Variants in NRXN3 observed in about 807,000 individuals in gnomAD.
NRXN3 encodes the protein neurexin III.
NRXN3 carries 32 observed loss-of-function variants against 137.6 expected under a neutral mutation model. The observed-to-expected ratio is 0.23, with a 90% CI of 0.18 to 0.31. The LOEUF (loss-of-function observed/expected upper bound fraction) is 0.31, where lower values mean the gene tolerates loss of function less well. Ranked by LOEUF, NRXN3 falls within the 10% of genes least tolerant of loss-of-function variation. The pLI, the probability that NRXN3 is intolerant of heterozygous loss-of-function variation, is 1.00. For synonymous variants in NRXN3, 798 were observed against 784.5 expected, an observed-to-expected ratio of 1.02 and a Z score of -0.29; for missense variants, 1,574 against 2,062.5, an observed-to-expected ratio of 0.76 and a Z score of 4.59.
At chr14:79,843,620 T>A (rs918309369) in intron 20 of NRXN3, among the ~76,000 whole-genome samples, 6 of 152,192 alleles carry the variant, frequency 3.9e-5, no homozygotes, top group African/African-American at 1.4e-4. Context: ...CCTCTATCAA[T>A]TAAGTTTATG....
intron 4 of NRXN3, among the ~76,000 whole-genome samples, chr14:78,590,285 C>A (rs2097105115): frequency 6.6e-6 from 1 of 152,144 alleles, no homozygotes; most frequent in Admixed American, 6.5e-5. Context: ...GGTCCCAGTC[C>A]ACAAAGAGAT....
intron 19 of NRXN3, among the ~76,000 whole-genome samples, chr14:79,707,701 T>C (rs1176224532): frequency 6.6e-6 from 1 of 152,186 alleles, no homozygotes; most frequent in Non-Finnish European, 1.5e-5. Context: ...GTCTCTGATA[T>C]GGCAATTAGC....
chr14:79,695,637 G>GAAAAA (rs10585470), intron 18 of NRXN3, among the ~76,000 whole-genome samples: 1 of 88,166 alleles, frequency 1.1e-5, no homozygotes, highest in Non-Finnish European at 2.7e-5. Context: ...AGGGCTTCCA[G>GAAAAA]AAAAAAAAAA....
chr14:78,655,600 G>A (rs2097778366), intron 6 of NRXN3, among the ~76,000 whole-genome samples: 1 of 151,942 alleles, frequency 6.6e-6, no homozygotes, highest in Admixed American at 6.6e-5. Context: ...GAGAACAGAG[G>A]TCCTATTTGC....
intron 15 of NRXN3, among the ~76,000 whole-genome samples, chr14:79,240,674 C>G (rs1163433520): frequency 6.6e-6 from 1 of 152,042 alleles, no homozygotes; most frequent in Non-Finnish European, 1.5e-5. Context: ...ATGTGCTTGT[C>G]TTTGTGCTCC....
chr14:78,374,302 GTTGT>G (rs1480092230), intron 4 of NRXN3, among the ~76,000 whole-genome samples: 19 of 152,256 alleles, frequency 1.2e-4, no homozygotes, highest in Admixed American at 2.6e-4. Context: ...AAGTTTTATG[GTTGT>G]TTATTACTTA....
intron 9 of NRXN3, among the ~76,000 whole-genome samples, chr14:78,808,523 T>G (rs2098891042): frequency 6.6e-6 from 1 of 152,116 alleles, no homozygotes; most frequent in Non-Finnish European, 1.5e-5. Flanking sequence ...AGTCAGTAGC[T>G]GAAGCCATCA....
At chr14:79,060,773 T>C (rs2099673252) in intron 15 of NRXN3, among the ~76,000 whole-genome samples, 1 of 151,534 alleles carries the variant, frequency 6.6e-6, no homozygotes, top group Non-Finnish European at 1.5e-5. Flanking sequence ...TTCCTCCCTC[T>C]TTTTTTTTCT....
At chr14:79,080,392 A>T (rs1225839412) in intron 15 of NRXN3, among the ~76,000 whole-genome samples, 2 of 152,226 alleles carry the variant, frequency 1.3e-5, no homozygotes, top group Non-Finnish European at 2.9e-5. Flanking sequence ...TGTTTGAACT[A>T]GAGTTACCAA....
chr14:79,380,271 T>C (rs1599447126), intron 15 of NRXN3, among the ~76,000 whole-genome samples: 1 of 151,532 alleles, frequency 6.6e-6, no homozygotes, highest in East Asian at 1.9e-4. Flanking sequence ...TATGTATACA[T>C]GTGCCATGCT....
intron 4 of NRXN3, among the ~76,000 whole-genome samples, chr14:78,477,900 A>G (rs1433536451): frequency 1.3e-5 from 2 of 152,152 alleles, no homozygotes; most frequent in East Asian, 3.8e-4. Context: ...TCTGTCTCAC[A>G]CACACACACG....
At chr14:79,803,283 G>A (rs971205157) in intron 19 of NRXN3, among the ~76,000 whole-genome samples, 3 of 152,040 alleles carry the variant, frequency 2.0e-5, no homozygotes, top group Non-Finnish European at 4.4e-5. Context: ...AAGTAGAAAG[G>A]CTGTCATATA....
At chr14:78,463,940 C>A (rs550821662) in intron 4 of NRXN3, among the ~76,000 whole-genome samples, 1 of 151,852 alleles carries the variant, frequency 6.6e-6, no homozygotes, top group East Asian at 1.9e-4. Flanking sequence ...TGCTCCTTGA[C>A]CTTTATCTAA....
At chr14:79,615,080 A>G (rs998668005) in intron 16 of NRXN3, among the ~76,000 whole-genome samples, 18 of 152,192 alleles carry the variant, frequency 1.2e-4, no homozygotes, top group Admixed American at 6.5e-5. Flanking sequence ...CTCCAGGGCT[A>G]TCATAGTGCT....
intron 4 of NRXN3, among the ~76,000 whole-genome samples, chr14:78,636,836 A>ATTTATTT (rs529407158): frequency 0.01 from 1,580 of 151,884 alleles, 33 homozygotes; most frequent in African/African-American, 0.037. Flanking sequence ...TTTATTTTTT[A>ATTTATTT]TTTTTTTAGC....
intron 19 of NRXN3, among the ~76,000 whole-genome samples, chr14:79,773,329 G>A (rs951445804): frequency 2.0e-5 from 3 of 151,982 alleles, no homozygotes; most frequent in Non-Finnish European, 4.4e-5. Context: ...ACATGCACAC[G>A]TATGTTTATT....
chr14:79,233,128 G>T (rs1418508226), intron 15 of NRXN3, among the ~76,000 whole-genome samples: 1 of 152,090 alleles, frequency 6.6e-6, no homozygotes, highest in African/African-American at 2.4e-5. Flanking sequence ...GAAAACATAG[G>T]TTAGTCAATC....
chr14:79,100,489 A>C (rs1366979807), intron 15 of NRXN3, among the ~76,000 whole-genome samples: 2 of 152,226 alleles, frequency 1.3e-5, no homozygotes, highest in Admixed American at 1.3e-4. Flanking sequence ...TGATACTAAA[A>C]CATCTCATTG....
At chr14:78,503,294 G>T (rs934310002) in intron 4 of NRXN3, among the ~76,000 whole-genome samples, 12 of 152,280 alleles carry the variant, frequency 7.9e-5, no homozygotes, top group African/African-American at 1.9e-4. Context: ...TAAGAGGATG[G>T]TGGGATTTGT....
Sources: allele counts gnomAD v4.1 joint callset (sites outside exome capture counted in the v4.1 genomes callset), GRCh38; gene constraint gnomAD v4.1.1; transcripts MANE v1.5; gene names NCBI Gene and HGNC (gene_info 2026-07-23, HGNC 2026-07-21).